Variants in LRCH3 observed in about 807,000 individuals in gnomAD.
The protein encoded by LRCH3 is DISP complex protein LRCH3.
LRCH3 carries 68 observed loss-of-function variants against 104.5 expected under a neutral mutation model. The ratio of observed to expected loss-of-function variants is 0.65; its 90% CI spans 0.54 to 0.80. The LOEUF is 0.80. Ranked by LOEUF, LRCH3 falls within the 30% of genes least tolerant of loss-of-function variation. The probability of loss-of-function intolerance (pLI) is 0.00; values close to 1 mark genes in which losing one functional copy is unlikely to be tolerated. For synonymous variants in LRCH3, 344 were observed against 361.3 expected, an observed-to-expected ratio of 0.95 and a Z score of 0.54; for missense variants, 951 against 953.9, an observed-to-expected ratio of 1.00 and a Z score of 0.04.
intron 1 of LRCH3, among the ~76,000 whole-genome samples, chr3:197,809,391 G>A (rs1299056256): frequency 6.6e-6 from 1 of 151,974 alleles, no homozygotes; most frequent in African/African-American, 2.4e-5. Flanking sequence ...TCCTCTTTGG[G>A]GTTTGCTCAG....
At chr3:197,848,234 A>T in intron 12 of LRCH3, 1 of 509,256 alleles carries the variant, frequency 2.0e-6, no homozygotes, top group Non-Finnish European at 3.5e-6. Context: ...GTCATTGGAC[A>T]TGTCACTTTA....
intron 1 of LRCH3, among the ~76,000 whole-genome samples, chr3:197,807,866 C>T (rs1432344154): frequency 1.3e-5 from 2 of 152,120 alleles, no homozygotes; most frequent in African/African-American, 4.8e-5. Context: ...AACCTTACCC[C>T]CTTCATGTCC....
intron 14 of LRCH3, among the ~76,000 whole-genome samples, chr3:197,855,759 G>A (rs949901674): frequency 1.2e-4 from 18 of 152,134 alleles, no homozygotes; most frequent in Admixed American, 1.1e-3. Flanking sequence ...AATTCCCTTC[G>A]GCCGTTTGTC....
chr3:197,870,320 G>A (rs1338814955), intron 18 of LRCH3, 42 bp downstream of exon 18: 5 of 1,567,278 alleles, frequency 3.2e-6, no homozygotes, highest in Non-Finnish European at 4.4e-6. Context: ...CAGTATTACT[G>A]CTATAGATCA....
At position 197,810,528 on chromosome 3, in the gene LRCH3, T is replaced by C. The variant is rs1733007328; in HGVS notation, c.263-4380T>C. Among the ~76,000 whole-genome samples the C allele has an allele frequency of 6.6e-6, 1 of 152,176 alleles. No individual in the cohort carries two copies. On this transcript the variant is annotated intron_variant, in intron 1 of 20. Coordinates refer to ENST00000425562, the MANE Select transcript of LRCH3 (RefSeq NM_001365715.1). The surrounding 1 kb of genome is among the most constrained non-coding windows in gnomAD (Gnocchi z 4.0). ...GCAAAAAGAAAACCCAGGGAATTCA[T>C]TGCTATTGTTCCTTGAGTCCTGAGG...
chr3:197,835,926 A>G, intron 9 of LRCH3, 104 bp downstream of exon 9: 2 of 1,226,296 alleles, frequency 1.6e-6, no homozygotes, highest in Middle Eastern at 2.3e-4. Flanking sequence ...CTGAAGCCTA[A>G]TTGTTTTCAT....
intron 1 of LRCH3, among the ~76,000 whole-genome samples, chr3:197,792,577 T>TTATATATATATATATATA (rs11420466): frequency 0.011 from 217 of 20,202 alleles, 7 homozygotes; most frequent in East Asian, 0.022. Context: ...CCAGCTAATT[T>TTATATATATATATATATA]TATATATATA....
Position 197,858,845 on chromosome 3 carries a change from G to A in LRCH3, c.1656G>A (p.Gly552=), listed in dbSNP as rs775212276. ...CATTTGAAATGTAGTCGCTGTCAGGGTTGAATCAAGTGGGCTGTGCTGCTA... is the reference window on the plus strand; with the variant it reads ...CATTTGAAATGTAGTCGCTGTCAGGATTGAATCAAGTGGGCTGTGCTGCTA... ...DDSALCMSLS[G]LNQVGCAATL... is the part of the protein sequence containing the mutation. The change falls in exon 15 of 21, where the codon GGG becomes GGA. Residue 552 remains glycine (G), a synonymous_variant. Transcript: ENST00000425562. The A allele has an allele frequency of 6.2e-7, 1 of 1,613,720 alleles. No homozygotes were observed. The highest frequency in any genetic ancestry group is 2.2e-5 in the East Asian group (1 of 44,872).
chr3:197,807,384 T>G (rs563162894), intron 1 of LRCH3, among the ~76,000 whole-genome samples: 3 of 151,910 alleles, frequency 2.0e-5, no homozygotes, highest in African/African-American at 7.2e-5. Flanking sequence ...GCCCAGCTCA[T>G]TTTTTTGTAT....
rs367680415 is a variant in LRCH3, at chr3:197,884,606, G to GTAT, written c.*941_*942insATT. The GTAT allele has an allele frequency of 0.093, 14,149 of 151,856 alleles. 758 individuals carry two copies. The highest frequency in any genetic ancestry group is 0.13 in the African/African-American group (5,215 of 41,484). 9.4% of individuals were successfully genotyped at this position (151,856 alleles called of 1,614,324 possible). A position where few individuals can be genotyped will look rare whatever the true frequency, so the allele number is the denominator to read the frequency against. On this transcript the variant is annotated 3_prime_UTR_variant, in exon 21 of 21. Coordinates refer to ENST00000425562, the MANE Select transcript of LRCH3 (RefSeq NM_001365715.1). ...GCCCGGCGCCCGGCCCATTGCACGT[G>GTAT]TTTTTCATGTAGTGGAACCACTGTT...
chr3:197,851,947 T>G (rs1739660498), intron 12 of LRCH3, among the ~76,000 whole-genome samples: 1 of 152,216 alleles, frequency 6.6e-6, no homozygotes. Flanking sequence ...CTGACGAACT[T>G]GGAGACCTTG....
At chr3:197,824,361 CT>C (rs35034702) in intron 4 of LRCH3, among the ~76,000 whole-genome samples, 41 of 137,796 alleles carry the variant, frequency 3.0e-4, no homozygotes, top group African/African-American at 4.3e-4. Flanking sequence ...CCACGCCCGG[CT>C]TTTTTTTTTT....
Position 197,885,045 on chromosome 3 carries a change from A to AAAC in LRCH3, c.*1385_*1387dup. ...CATCCTGTTATCTGGACATTATAAT[A>AAAC]AACAACAAGCCCTCTATACACAGGT... On this transcript the variant is annotated 3_prime_UTR_variant, in exon 21 of 21. Coordinates refer to ENST00000425562, the MANE Select transcript of LRCH3 (RefSeq NM_001365715.1). 6.6e-6 allele frequency: 1 copy of AAAC among 152,380 alleles called. No homozygotes were observed. Among genetic ancestry groups the AAAC allele is most frequent in the East Asian group, 1.9e-4 (1 of 5,186 alleles). 9.4% of individuals were successfully genotyped at this position (152,380 alleles called of 1,614,324 possible).
At chr3:197,799,203 G>A (rs977115129) in intron 1 of LRCH3, among the ~76,000 whole-genome samples, 12 of 152,162 alleles carry the variant, frequency 7.9e-5, no homozygotes, top group African/African-American at 2.9e-4. Flanking sequence ...GATGGTTAAC[G>A]TTACTTCATG....
chr3:197,857,398 C>T (rs4528996), intron 14 of LRCH3, among the ~76,000 whole-genome samples: 20,818 of 125,390 alleles, frequency 0.17, 2,374 homozygotes, highest in African/African-American at 0.34. Flanking sequence ...TAATATCAGT[C>T]ACACTGACAT....
intron 1 of LRCH3, among the ~76,000 whole-genome samples, chr3:197,795,701 T>G: frequency 7.1e-6 from 1 of 141,648 alleles, no homozygotes; most frequent in South Asian, 2.4e-4. Context: ...TTTTTTTTTT[T>G]TTTTTTTTTG....
At chr3:197,879,077 G>A (rs1333912807) in intron 20 of LRCH3, among the ~76,000 whole-genome samples, 2 of 152,192 alleles carry the variant, frequency 1.3e-5, no homozygotes, top group East Asian at 1.9e-4. Context: ...CATTGGGCAT[G>A]TGGGTATTTG....
chr3:197,879,337 C>G (rs755637651), intron 20 of LRCH3, among the ~76,000 whole-genome samples: 1 of 152,166 alleles, frequency 6.6e-6, no homozygotes, highest in Non-Finnish European at 1.5e-5. Flanking sequence ...CATTCTCGAG[C>G]TGGACTTGGT....
intron 1 of LRCH3, 60 bp downstream of exon 1, chr3:197,791,600 CCGGGGGAGGCGGATG>C: frequency 1.4e-6 from 2 of 1,471,114 alleles, no homozygotes; most frequent in Non-Finnish European, 1.8e-6. Flanking sequence ...GCCGCCCCGG[CCGGGGGAGGCGGATG>C]CGGGGGAGTT....
Sources: allele counts gnomAD v4.1 joint callset (sites outside exome capture counted in the v4.1 genomes callset), GRCh38; gene constraint gnomAD v4.1.1; non-coding constraint Gnocchi (gnomAD v3.1); transcripts MANE v1.5; gene names NCBI Gene and HGNC (gene_info 2026-07-23, HGNC 2026-07-21).